The following PALLD variants were observed in gnomAD, a reference collection of about 807,000 sequenced individuals.
The protein encoded by PALLD is palladin, cytoskeletal associated protein.
PALLD carries 61 observed loss-of-function variants against 123.5 expected under a neutral mutation model. The ratio of observed to expected loss-of-function variants is 0.49; its 90% CI spans 0.40 to 0.61. The LOEUF (loss-of-function observed/expected upper bound fraction) is 0.61. PALLD is among the 20% of genes least tolerant of loss of function. PALLD has a pLI of 0.00. For synonymous variants in PALLD, 465 were observed against 496.4 expected, an observed-to-expected ratio of 0.94 and a Z score of 0.84; for missense variants, 1,273 against 1,377.0, an observed-to-expected ratio of 0.92 and a Z score of 1.20.
chr4:168,857,803 T>C (rs1748818755), intron 10 of PALLD, among the ~76,000 whole-genome samples: 1 of 152,254 alleles, frequency 6.6e-6, no homozygotes, highest in African/African-American at 2.4e-5. Flanking sequence ...AGAACCAGTA[T>C]TACAAAAGAA....
intron 2 of PALLD, among the ~76,000 whole-genome samples, chr4:168,629,457 G>A (rs1272019490): frequency 1.3e-5 from 2 of 152,206 alleles, no homozygotes; most frequent in Non-Finnish European, 2.9e-5. Context: ...AAGAGTGGTA[G>A]AAAGGAGACT....
At position 168,709,014 on chromosome 4, in the gene PALLD, C is replaced by G. The variant is rs1784473569; in HGVS notation, c.1502-14C>G. The G allele has an allele frequency of 6.2e-7, 1 of 1,612,738 alleles. No homozygotes were observed. Among genetic ancestry groups the G allele is most frequent in the Non-Finnish European group, 8.5e-7 (1 of 1,178,848 alleles). On this transcript the variant is annotated splice_polypyrimidine_tract_variant and intron_variant, in intron 8 of 21. Transcript: ENST00000505667. The stretch of plus-strand genomic sequence containing the variant: ...TTCAACTCTGATGAATGATTCTGTT[C>G]TCTTCACTTCCAGAGGAGATTTGCA...
At chr4:168,728,478 T>C (rs62333919) in intron 10 of PALLD, among the ~76,000 whole-genome samples, 8,562 of 152,240 alleles carry the variant, frequency 0.056, 319 homozygotes, top group South Asian at 0.091. Flanking sequence ...TAAATTGGAT[T>C]GTGTTCTTGA....
chr4:168,692,056 AG>A (rs899265137), intron 8 of PALLD, among the ~76,000 whole-genome samples: 14 of 152,146 alleles, frequency 9.2e-5, no homozygotes, highest in Non-Finnish European at 1.5e-4. Context: ...TTCTGAACAA[AG>A]GGTAGAAAAA....
intron 2 of PALLD, among the ~76,000 whole-genome samples, chr4:168,593,820 T>C (rs1000011779): frequency 2.6e-5 from 4 of 152,234 alleles, no homozygotes; most frequent in African/African-American, 9.6e-5. Context: ...GGGTGTTCTA[T>C]GTACATCTGT....
At chr4:168,736,843 A>T (rs1787807776) in intron 10 of PALLD, among the ~76,000 whole-genome samples, 1 of 152,180 alleles carries the variant, frequency 6.6e-6, no homozygotes, top group East Asian at 1.9e-4. Flanking sequence ...GACAACTGTG[A>T]TGAAGAGACA....
intron 2 of PALLD, among the ~76,000 whole-genome samples, chr4:168,538,789 TTAA>T (rs1561223531): frequency 1.3e-5 from 2 of 152,320 alleles, no homozygotes; most frequent in East Asian, 3.9e-4. Flanking sequence ...ACAGGCAAGC[TTAA>T]AAGATCAGAA....
At chr4:168,638,591 T>C (rs1776580735) in intron 2 of PALLD, among the ~76,000 whole-genome samples, 2 of 152,190 alleles carry the variant, frequency 1.3e-5, no homozygotes, top group Admixed American at 1.3e-4. Context: ...TTGCTCACAG[T>C]TCTGAAGGCT....
At chr4:168,802,686 T>C (rs889868245) in intron 10 of PALLD, among the ~76,000 whole-genome samples, 1 of 151,782 alleles carries the variant, frequency 6.6e-6, no homozygotes, top group Admixed American at 6.6e-5. Context: ...GCAGACCATC[T>C]ACATTACATT....
intron 2 of PALLD, among the ~76,000 whole-genome samples, chr4:168,663,961 C>T (rs1052325858): frequency 1.3e-5 from 2 of 152,040 alleles, no homozygotes; most frequent in African/African-American, 2.4e-5. Flanking sequence ...AACATGCATC[C>T]GATGAAATAA....
Position 168,623,577 on chromosome 4 carries a change from G to A in PALLD, c.909-44613G>A, listed in dbSNP as rs138259320. On this transcript the variant is annotated intron_variant, in intron 2 of 21. Coordinates refer to ENST00000505667, the MANE Select transcript of PALLD (RefSeq NM_001166108.2). ...CTGGGTAGGTGAGGATGGAGGCGGC[G>A]AACTGCCTAACAGAAGGAAGCCCTG... is the stretch of plus-strand genomic sequence containing the variant. 4.8e-3 allele frequency among the ~76,000 whole-genome samples: 730 copies of A among 152,246 alleles called. 6 individuals carry two copies. The highest frequency in any genetic ancestry group is 0.01 in the Middle Eastern group (3 of 292).
At chr4:168,900,219 C>T (rs537789300) in intron 14 of PALLD, among the ~76,000 whole-genome samples, 19 of 152,234 alleles carry the variant, frequency 1.2e-4, no homozygotes, top group East Asian at 1.2e-3. Context: ...CGTCACCTCC[C>T]GCCAGGCCCC....
chr4:168,754,393 T>G (rs377360006), intron 10 of PALLD, among the ~76,000 whole-genome samples: 1 of 152,266 alleles, frequency 6.6e-6, no homozygotes, highest in African/African-American at 2.4e-5. Flanking sequence ...GATTGATGTT[T>G]ATTCAAATGA....
At chr4:168,716,557 C>G (rs1451261153) in intron 10 of PALLD, among the ~76,000 whole-genome samples, 1 of 152,146 alleles carries the variant, frequency 6.6e-6, no homozygotes, top group African/African-American at 2.4e-5. Flanking sequence ...ATTTTACAAC[C>G]TTTGCTTTTC....
In PALLD at chr4:168,711,705, T is replaced by C. The variant is rs1206394162; in HGVS notation, c.1746T>C (p.Ser582=). Residue 582 remains serine (S), a synonymous_variant, in exon 10 of 22, where the codon TCT becomes TCC. Transcript: ENST00000505667. ...SSLELASKKP[S]EIQQVNNPEL... The stretch of plus-strand genomic sequence containing the variant: ...TGGAGTTGGCTTCAAAGAAACCATC[T>C]GAGATCCAGCAGGTGAACAACCCTG... The C allele has an allele frequency of 2.5e-6, 4 of 1,613,224 alleles. No individual in the cohort carries two copies. The highest frequency in any genetic ancestry group is 3.4e-6 in the Non-Finnish European group (4 of 1,179,310).
intron 10 of PALLD, among the ~76,000 whole-genome samples, chr4:168,877,212 C>T (rs1039098614): frequency 3.3e-5 from 5 of 152,088 alleles, no homozygotes; most frequent in African/African-American, 1.2e-4. Context: ...TTAAAAAATC[C>T]ACCTGTGGTA....
intron 2 of PALLD, among the ~76,000 whole-genome samples, chr4:168,634,068 C>T (rs955914052): frequency 3.9e-5 from 6 of 152,164 alleles, no homozygotes; most frequent in South Asian, 2.1e-4. Flanking sequence ...AGAACAAGCT[C>T]GGTGTCTCTT....
chr4:168,822,348 A>C (rs1742849616), intron 10 of PALLD, among the ~76,000 whole-genome samples: 2 of 152,136 alleles, frequency 1.3e-5, no homozygotes, highest in Admixed American at 1.3e-4. Context: ...TTGAAATTGA[A>C]AAGGAAATCT....
At chr4:168,597,243 T>C (rs1230163599) in intron 2 of PALLD, among the ~76,000 whole-genome samples, 1 of 152,058 alleles carries the variant, frequency 6.6e-6, no homozygotes, top group Non-Finnish European at 1.5e-5. Flanking sequence ...ATTTATCAGA[T>C]TGGCAAGTAT....
Sources: allele counts gnomAD v4.1 joint callset (sites outside exome capture counted in the v4.1 genomes callset), GRCh38; gene constraint gnomAD v4.1.1; transcripts MANE v1.5; gene names NCBI Gene and HGNC (gene_info 2026-07-23, HGNC 2026-07-21).